Variants in THADA observed in about 807,000 individuals in gnomAD.
The protein encoded by THADA is THADA armadillo repeat containing.
A neutral mutation model predicts 219.8 loss-of-function variants in THADA; 213 were observed. The observed-to-expected ratio is 0.97, with a 90% CI of 0.87 to 1.09. The LOEUF is 1.09. Among genes scored for constraint, THADA ranks in the 50% least tolerant of loss-of-function variants. The pLI, the probability that THADA is intolerant of heterozygous loss-of-function variation, is 0.00. For synonymous variants in THADA, 1,018 were observed against 828.9 expected (o/e 1.23, Z -3.92); for missense variants, 2,956 against 2,311.3 (o/e 1.28, Z -5.72).
At chr2:43,400,171 AATG>A (rs1192697876) in intron 28 of THADA, among the ~76,000 whole-genome samples, 2 of 152,104 alleles carry the variant, frequency 1.3e-5, no homozygotes, top group East Asian at 1.9e-4. Context: ...GACTTTTGTA[AATG>A]ATGATTTCCC....
chr2:43,415,768 G>A (rs150091783), intron 28 of THADA, among the ~76,000 whole-genome samples: 10 of 152,212 alleles, frequency 6.6e-5, no homozygotes, highest in African/African-American at 1.9e-4. Flanking sequence ...AGGCAAGGAG[G>A]AGGACACAAG....
chr2:43,231,174 CA>C lies in THADA; in HGVS notation c.5635del (p.Cys1879AlafsTer18). 2 of 1,613,790 alleles carry C rather than the reference CA, an allele frequency of 1.2e-6. No homozygotes were observed. The highest frequency in any genetic ancestry group is 1.7e-6 in the Non-Finnish European group (2 of 1,179,802). ...TCTGAAGAACTGAGACAGGAGGTGG[CA>C]CTGCTCTGACACCATCCTTTGAAGG... ...CHLQRMVSEQCHLLSQFFREL... is the reference protein window; with the variant it reads ...CHLQRMVSEQXHLLSQFFREL... On this transcript the variant is annotated frameshift_variant, in exon 38 of 38. Coordinates refer to ENST00000405975, the MANE Select transcript of THADA (RefSeq NM_022065.5). LOFTEE classifies it high-confidence loss of function.
chr2:43,367,043 T>C (rs762877167), intron 29 of THADA, among the ~76,000 whole-genome samples: 1 of 152,178 alleles, frequency 6.6e-6, no homozygotes, highest in African/African-American at 2.4e-5. Context: ...AAAACACAGA[T>C]GAACCTTGAG....
At chr2:43,521,186 AGGAAGGAAAGAG>A (rs1322108639) in intron 22 of THADA, among the ~76,000 whole-genome samples, 3 of 151,054 alleles carry the variant, frequency 2.0e-5, no homozygotes, top group South Asian at 4.2e-4. Context: ...GGAGGGAAGA[AGGAAGGAAAGAG>A]GGAAGGAAAG....
At chr2:43,564,838 C>G (rs531793918) in intron 15 of THADA, 1 of 152,276 alleles carries the variant, frequency 6.6e-6, no homozygotes, top group Non-Finnish European at 1.5e-5. Flanking sequence ...ATGAGACAAA[C>G]CCTGAGACAT....
intron 36 of THADA, among the ~76,000 whole-genome samples, chr2:43,250,885 C>A (rs1038389490): frequency 6.6e-6 from 1 of 152,066 alleles, no homozygotes; most frequent in Non-Finnish European, 1.5e-5. Flanking sequence ...AGGGATTGGG[C>A]CTCTTCAATG....
chr2:43,579,891 C>T (rs1274858288), intron 8 of THADA, among the ~76,000 whole-genome samples: 1 of 152,076 alleles, frequency 6.6e-6, no homozygotes, highest in East Asian at 1.9e-4. Context: ...TGCCTCTGAA[C>T]TTGTTATGTG....
intron 15 of THADA, chr2:43,566,121 A>T (rs1047218262): frequency 1.7e-5 from 4 of 240,862 alleles, no homozygotes; most frequent in African/African-American, 2.6e-5. Flanking sequence ...TCTTGTCAAA[A>T]AGGAAAAAAT....
chr2:43,434,277 T>C (rs983045263), intron 26 of THADA, among the ~76,000 whole-genome samples: 2 of 152,140 alleles, frequency 1.3e-5, no homozygotes, highest in Admixed American at 6.5e-5. Context: ...CAGACAAAAT[T>C]ACAATTGGAT....
chr2:43,374,408 G>T (rs955088285), intron 29 of THADA, among the ~76,000 whole-genome samples: 1 of 152,144 alleles, frequency 6.6e-6, no homozygotes, highest in Admixed American at 6.5e-5. Flanking sequence ...TTCTAGAACC[G>T]TTATGAGGAT....
chr2:43,535,168 CTTTTTTT>C (rs549879408), intron 21 of THADA, among the ~76,000 whole-genome samples: 3 of 52,540 alleles, frequency 5.7e-5, no homozygotes, highest in East Asian at 6.4e-4. Flanking sequence ...ATCATTTGTC[CTTTTTTT>C]TTTTTTTTTT....
At position 43,505,745 on chromosome 2, in the gene THADA, A is replaced by G; in HGVS notation, c.3508-10T>C. On this transcript the variant is annotated splice_polypyrimidine_tract_variant and intron_variant, in intron 23 of 37. Coordinates refer to ENST00000405975, the MANE Select transcript of THADA (RefSeq NM_022065.5). ...CAGATGCCAACAGTGCCTATGGAAAAAGAATGCAAAAATTAACAGGGTTCT... is the reference window on the plus strand; with the variant it reads ...CAGATGCCAACAGTGCCTATGGAAAGAGAATGCAAAAATTAACAGGGTTCT... 1 of 1,552,960 alleles carries G rather than the reference A, an allele frequency of 6.4e-7. No homozygotes were observed. Among genetic ancestry groups the G allele is most frequent in the East Asian group, 2.3e-5 (1 of 43,190 alleles).
At chr2:43,476,581 C>G (rs971721175) in intron 26 of THADA, among the ~76,000 whole-genome samples, 1 of 152,160 alleles carries the variant, frequency 6.6e-6, no homozygotes, top group African/African-American at 2.4e-5. Context: ...TTTCAAGCCT[C>G]TGGGTAAATG....
chr2:43,425,346 T>C (rs923502494), intron 28 of THADA, among the ~76,000 whole-genome samples: 4 of 152,144 alleles, frequency 2.6e-5, no homozygotes, highest in Non-Finnish European at 5.9e-5. Flanking sequence ...CTTTCTTTCT[T>C]GTTTTCTGCA....
chr2:43,286,833 C>CA (rs1674078384), intron 35 of THADA, 75 bp downstream of exon 35: 1 of 1,545,018 alleles, frequency 6.5e-7, no homozygotes, highest in African/African-American at 1.4e-5. Flanking sequence ...TTCACCTTCC[C>CA]TTTTTTTAGG....
At chr2:43,344,759 G>GT (rs1242915350) in intron 29 of THADA, among the ~76,000 whole-genome samples, 1,637 of 149,316 alleles carry the variant, frequency 0.011, 26 homozygotes, top group African/African-American at 0.034. Context: ...ACTATTTAGG[G>GT]TTTTTTTTGT....
At chr2:43,372,592 T>A (rs1030821152) in intron 29 of THADA, among the ~76,000 whole-genome samples, 2 of 152,054 alleles carry the variant, frequency 1.3e-5, no homozygotes, top group African/African-American at 4.8e-5. Context: ...CCCCACCCAC[T>A]CAACACAGCC....
chr2:43,520,052 G>C (rs1692215445), intron 22 of THADA, among the ~76,000 whole-genome samples: 1 of 152,190 alleles, frequency 6.6e-6, no homozygotes, highest in African/African-American at 2.4e-5. Flanking sequence ...GCAAACCCTA[G>C]TTGTTTGTTT....
chr2:43,441,075 T>C (rs551108206), intron 26 of THADA, among the ~76,000 whole-genome samples: 50 of 152,194 alleles, frequency 3.3e-4, no homozygotes, highest in Non-Finnish European at 5.4e-4. Context: ...TGACTACATC[T>C]TTTCAAAAGT....
Sources: allele counts gnomAD v4.1 joint callset (sites outside exome capture counted in the v4.1 genomes callset), GRCh38; gene constraint gnomAD v4.1.1; transcripts MANE v1.5; gene names NCBI Gene and HGNC (gene_info 2026-07-23, HGNC 2026-07-21).